Variants in NR5A2 observed in about 807,000 individuals in gnomAD.
NR5A2 encodes the protein CYP7A promoter-binding factor.
A neutral mutation model predicts 62.7 loss-of-function variants in NR5A2; 26 were observed. The observed-to-expected ratio is 0.41, with a 90% confidence interval of 0.30 to 0.58. The LOEUF (loss-of-function observed/expected upper bound fraction) is 0.58. NR5A2 is among the 20% of genes least tolerant of loss of function. The pLI is 0.22. For missense variants in NR5A2, 541 were observed against 669.1 expected (o/e 0.81, Z 2.11); for synonymous variants, 246 against 241.7 (o/e 1.02, Z -0.16).
Position 200,048,207 on chromosome 1 carries a change from A to G in NR5A2, c.499A>G (p.Lys167Glu). The stretch of plus-strand genomic sequence containing the variant: ...CGACCGAATGCGTGGAGGAAGGAAT[A>G]AGTTTGGGCCAATGTACAAGAGAGA... Reference protein sequence around the residue: ...RADRMRGGRNKFGPMYKRDRA... With the variant: ...RADRMRGGRNEFGPMYKRDRA... Residue 167 changes from lysine to glutamate, a missense_variant, in exon 5 of 8, where the codon AAG (lysine) becomes GAG (glutamate). Physicochemically the swap from Lys to Glu is moderately conservative, Grantham distance 56 (BLOSUM62 1). Transcript: ENST00000367362. The surrounding 1 kb of genome is among the most constrained non-coding windows in gnomAD (Gnocchi z 4.8). The G allele has an allele frequency of 1.9e-6, 3 of 1,612,988 alleles. No homozygotes were observed. The highest frequency in any genetic ancestry group is 2.5e-6 in the Non-Finnish European group (3 of 1,179,364).
intron 7 of NR5A2, among the ~76,000 whole-genome samples, chr1:200,125,118 AGAG>A (rs1021271154): frequency 3.9e-5 from 6 of 152,208 alleles, no homozygotes; most frequent in African/African-American, 9.7e-5. Context: ...CCAGTTTATG[AGAG>A]GAGATGTTTA....
chr1:200,060,040 G>A (rs1262362681), intron 5 of NR5A2, among the ~76,000 whole-genome samples: 1 of 152,126 alleles, frequency 6.6e-6, no homozygotes, highest in Non-Finnish European at 1.5e-5. Flanking sequence ...TCTCCATACA[G>A]TAGGCTAACA....
intron 5 of NR5A2, among the ~76,000 whole-genome samples, chr1:200,099,133 A>G (rs1433926233): frequency 6.6e-6 from 1 of 152,210 alleles, no homozygotes; most frequent in African/African-American, 2.4e-5. Flanking sequence ...GGAACTGAGC[A>G]GAGGAATTCT....
At chr1:200,155,151 A>G (rs1400920777) in intron 7 of NR5A2, among the ~76,000 whole-genome samples, 5 of 152,200 alleles carry the variant, frequency 3.3e-5, no homozygotes, top group Admixed American at 6.5e-5. Context: ...CCACCAACCA[A>G]TGCAGAAGTG....
At position 200,145,468 on chromosome 1, in the gene NR5A2, T is replaced by TTGTGTGTGTGTG. The variant is rs66885184; in HGVS notation, c.1378+24549_1378+24560dup. Among the ~76,000 whole-genome samples the TTGTGTGTGTGTG allele has an allele frequency of 6.0e-4, 85 of 142,208 alleles. 1 individual carries two copies. Among genetic ancestry groups the TTGTGTGTGTGTG allele is most frequent in the Middle Eastern group, 3.6e-3 (1 of 280 alleles). The allele number at this position is 142,208 out of a possible 152,430, so 93.3% of individuals were successfully genotyped here. A position where few individuals can be genotyped will look rare whatever the true frequency, so the allele number is the denominator to read the frequency against. ...GAAACTGGTAGGCCATTGATAGAAT[T>TTGTGTGTGTGTG]TGTGTGTGTGTGTGTGTGTGTGTGT... On this transcript the variant is annotated intron_variant, in intron 7 of 7. Transcript: ENST00000367362.
chr1:200,047,963 A>AT (rs1571711684), intron 4 of NR5A2, among the ~76,000 whole-genome samples: 5 of 152,210 alleles, frequency 3.3e-5, no homozygotes, highest in Admixed American at 3.3e-4. Flanking sequence ...TGGCCAAAGT[A>AT]TTTTTTTGAT....
At chr1:200,106,742 C>T (rs1665688733) in intron 5 of NR5A2, among the ~76,000 whole-genome samples, 1 of 152,140 alleles carries the variant, frequency 6.6e-6, no homozygotes, top group Admixed American at 6.5e-5. Flanking sequence ...TCTACCCACA[C>T]CCCCATAACT....
At chr1:200,041,236 G>A (rs1662063292) in intron 2 of NR5A2, among the ~76,000 whole-genome samples, 1 of 152,000 alleles carries the variant, frequency 6.6e-6, no homozygotes, top group African/African-American at 2.4e-5. Flanking sequence ...TGAGAGCGGA[G>A]AGAGAAATGT....
chr1:200,168,791 G>A (rs1172090731), intron 7 of NR5A2, among the ~76,000 whole-genome samples: 2 of 152,076 alleles, frequency 1.3e-5, no homozygotes, highest in African/African-American at 2.4e-5. Context: ...AACATGTTCT[G>A]CAACTTCCAG....
In NR5A2 at chr1:200,104,565, A is replaced by AT. The variant is rs200479514; in HGVS notation, c.1111-6628dup. Among the ~76,000 whole-genome samples, 54 of 151,668 alleles carry AT rather than the reference A, an allele frequency of 3.6e-4. 1 individual carries two copies. Among genetic ancestry groups the AT allele is most frequent in the South Asian group, 2.1e-3 (10 of 4,792 alleles). On this transcript the variant is annotated intron_variant, in intron 5 of 7. Coordinates refer to ENST00000367362, the MANE Select transcript of NR5A2 (RefSeq NM_205860.3). ...AAGAGATGGAAATTCATCTTTAGGG[A>AT]TTTTTTTTTCTTTTTGCCAGAAAGA...
intron 7 of NR5A2, among the ~76,000 whole-genome samples, chr1:200,166,110 G>C (rs1459847103): frequency 6.6e-6 from 1 of 152,184 alleles, no homozygotes; most frequent in Non-Finnish European, 1.5e-5. Context: ...AATGTCTTCA[G>C]TGTGACAGAG....
intron 2 of NR5A2, among the ~76,000 whole-genome samples, chr1:200,041,389 G>T (rs934904996): frequency 6.6e-6 from 1 of 152,178 alleles, no homozygotes; most frequent in African/African-American, 2.4e-5. Context: ...AAATCAGCAT[G>T]GGAAGCGCCG....
At chr1:200,045,612 A>G (rs752547956) in intron 4 of NR5A2, 28 bp downstream of exon 4, 18 of 1,584,664 alleles carry the variant, frequency 1.1e-5, no homozygotes, top group African/African-American at 1.4e-5. Flanking sequence ...ACTACTGCCT[A>G]TTAAAACTCT....
chr1:200,142,808 T>G (rs112763521), intron 7 of NR5A2, among the ~76,000 whole-genome samples: 3,418 of 152,238 alleles, frequency 0.022, 119 homozygotes, highest in African/African-American at 0.072. Flanking sequence ...TTAATCAATT[T>G]ATTTATTAAG....
chr1:200,119,016 A>G (rs1666366838), intron 6 of NR5A2, among the ~76,000 whole-genome samples: 1 of 152,212 alleles, frequency 6.6e-6, no homozygotes, highest in Non-Finnish European at 1.5e-5. Context: ...GCTGTACATG[A>G]TGCAAGAGCT....
rs138372828 is a variant in NR5A2, at chr1:200,073,684, A to AAC, written c.1110+24881_1110+24882dup. 9.7e-3 allele frequency among the ~76,000 whole-genome samples: 1,468 copies of AAC among 151,104 alleles called. 11 individuals are homozygous for AAC. The highest frequency in any genetic ancestry group is 0.027 in the Middle Eastern group (8 of 294). The stretch of plus-strand genomic sequence containing the variant: ...ATCACAGATACGTAGGCCCCACTGA[A>AAC]ACACACACACACACACCACACACAC... On this transcript the variant is annotated intron_variant, in intron 5 of 7. Transcript: ENST00000367362.
chr1:200,145,822 A>G (rs1307577543), intron 7 of NR5A2, among the ~76,000 whole-genome samples: 1 of 152,132 alleles, frequency 6.6e-6, no homozygotes, highest in Non-Finnish European at 1.5e-5. Flanking sequence ...GTGCCTTGAT[A>G]CTTTGATGTC....
Position 200,088,090 on chromosome 1 carries a change from G to A in NR5A2, c.1111-23112G>A, listed in dbSNP as rs138365516. ...TAATTTTGTTTGTTTATTGTAATTA[G>A]AGATGGAGTCTCACGTGTGGCCCAG... On this transcript the variant is annotated intron_variant, in intron 5 of 7. Transcript: ENST00000367362. 2.3e-4 allele frequency among the ~76,000 whole-genome samples: 35 copies of A among 152,100 alleles called. No individual in the cohort carries two copies. In the East Asian group the frequency reaches 6.6e-3, roughly 29 times the overall value.
rs1406247186 is a variant in NR5A2 at position 200,039,761 on chromosome 1, T to TG, written c.172dup (p.Glu58GlyfsTer15). The TG allele has an allele frequency of 3.1e-6, 5 of 1,609,270 alleles. No individual in the cohort carries two copies. Among genetic ancestry groups the TG allele is most frequent in the Admixed American group, 1.7e-5 (1 of 59,780 alleles). On this transcript the variant is annotated frameshift_variant, in exon 2 of 8. Transcript: ENST00000367362. LOFTEE classifies it high-confidence loss of function. This position sits in a 1 kb window ranked among gnomAD's most constrained non-coding sequence, Gnocchi z 5.1. ...AAGCCCTGGGACTGGCTCGATCGCA[T>TG]GGGGAACAGGGCCAGATGCCGGAAA...
Sources: gnomAD v4.1 joint callset for allele counts (sites outside exome capture counted in the v4.1 genomes callset) on GRCh38, gnomAD v4.1.1 for gene constraint, Gnocchi (gnomAD v3.1) non-coding constraint, MANE v1.5 for transcripts, NCBI Gene and HGNC (gene_info 2026-07-23, HGNC 2026-07-21) for gene names.